The following ZNF473 variants were observed in gnomAD, a reference collection of about 807,000 sequenced individuals.
The protein encoded by ZNF473 is zinc finger protein 473.
Under a neutral mutation model 11.1 loss-of-function variants are expected in ZNF473, and 4 were observed. The observed-to-expected ratio is 0.36, with a 90% CI of 0.18 to 0.82. The LOEUF (loss-of-function observed/expected upper bound fraction) is 0.82, where lower values mean the gene tolerates loss of function less well. ZNF473 is among the 40% of genes least tolerant of loss of function. The pLI, the probability that ZNF473 is intolerant of heterozygous loss-of-function variation, is 0.49. For missense variants in ZNF473, 854 were observed against 1,084.0 expected (o/e 0.79, Z 2.98); for synonymous variants, 404 against 390.4 (o/e 1.03, Z -0.41).
Position 50,045,350 on chromosome 19 carries a change from C to T in ZNF473, c.907C>T (p.His303Tyr), listed in dbSNP as rs940576480. Residue 303 changes from histidine (H) to tyrosine (Y), a missense_variant, in exon 5 of 5, where the codon CAT (histidine) becomes TAT (tyrosine). This residue lies in a region of ZNF473 where 668 missense variants were observed against 790.2 expected (regional missense o/e 0.85). Transcript: ENST00000270617. Reference sequence around the variant, plus strand: ...TCAAGATAGTGACCACCCACCCAGTCATGACACACAGCCTGGTGAGCATCA... The same window carrying T: ...TCAAGATAGTGACCACCCACCCAGTTATGACACACAGCCTGGTGAGCATCA... ...KSQDSDHPPSHDTQPGEHQKT... is the reference protein window; with the variant it reads ...KSQDSDHPPSYDTQPGEHQKT... 6.2e-7 allele frequency: 1 copy of T among 1,614,172 alleles called. No homozygotes were observed. The highest frequency in any genetic ancestry group is 8.5e-7 in the Non-Finnish European group (1 of 1,180,052).
chr19:50,047,608 TTACTC>T lies in ZNF473; in HGVS notation c.*551_*555del, dbSNP rs1474551814. 1 of 153,184 alleles carries T rather than the reference TTACTC, an allele frequency of 6.5e-6. No individual in the cohort carries two copies. The highest frequency in any genetic ancestry group is 1.5e-5 in the Non-Finnish European group (1 of 68,708). 9.5% of individuals were successfully genotyped at this position (153,184 alleles called of 1,614,324 possible). ...TTTTTTACAGTTTTTCTCCAGCACT[TTACTC>T]TTCTTAAGTGCCTGGCCTTTTTTGT... On this transcript the variant is annotated 3_prime_UTR_variant, in exon 5 of 5. Coordinates refer to ENST00000270617, the MANE Select transcript of ZNF473 (RefSeq NM_015428.4).
intron 2 of ZNF473, among the ~76,000 whole-genome samples, chr19:50,033,605 T>G (rs73935155): frequency 0.052 from 7,967 of 152,224 alleles, 679 homozygotes; most frequent in African/African-American, 0.18. Flanking sequence ...TACAAACTTG[T>G]GGGCTTAAAA....
Position 50,045,765 on chromosome 19 carries a change from A to G in ZNF473, c.1322A>G (p.His441Arg). 6.2e-7 allele frequency: 1 copy of G among 1,614,090 alleles called. No individual in the cohort carries two copies. ...TGCAGTGAGTGTGGGAAGGCCTTCC[A>G]CCGGCACACTCACCTTAATGAACAT... Reference protein sequence around the residue: ...YKCSECGKAFHRHTHLNEHRR... With the variant: ...YKCSECGKAFRRHTHLNEHRR... The change falls in exon 5 of 5, where the codon CAC (histidine) becomes CGC (arginine). Residue 441 changes from histidine to arginine, a missense_variant. By Grantham distance (29) the His-to-Arg change is conservative. Transcript: ENST00000270617.
chr19:50,031,024 C>T lies in ZNF473; in HGVS notation c.-59C>T, dbSNP rs1045147943. The T allele has an allele frequency of 2.0e-5, 31 of 1,554,192 alleles. 1 individual carries two copies. Among genetic ancestry groups the T allele is most frequent in the Middle Eastern group, 1.8e-4 (1 of 5,664 alleles). The stretch of plus-strand genomic sequence containing the variant: ...TTGTGCTTCCCACAGCCCTGCCAGC[C>T]GGGAACACGGAGGGGAAGGAGGAGG... On this transcript the variant is annotated 5_prime_UTR_variant, in exon 2 of 5. Coordinates refer to ENST00000270617, the MANE Select transcript of ZNF473 (RefSeq NM_015428.4).
intron 2 of ZNF473, among the ~76,000 whole-genome samples, chr19:50,036,497 T>G (rs985691495): frequency 3.7e-4 from 54 of 144,168 alleles, no homozygotes; most frequent in African/African-American, 1.3e-3. Context: ...TTTTTTTTTT[T>G]GCATTTTTAG....
intron 4 of ZNF473, chr19:50,042,522 C>G (rs1241985687): frequency 6.6e-6 from 1 of 152,288 alleles, no homozygotes; most frequent in Non-Finnish European, 1.5e-5. Context: ...TTCAGCACAT[C>G]AGTGTTCCTC....
chr19:50,026,777 G>A (rs976154900), intron 1 of ZNF473, among the ~76,000 whole-genome samples: 10 of 152,196 alleles, frequency 6.6e-5, no homozygotes, highest in African/African-American at 2.4e-4. Flanking sequence ...GGAGGCAGAG[G>A]TTGCAGTGAG....
intron 4 of ZNF473, chr19:50,043,448 A>AAAATATATAT (rs1259545565): frequency 1.9e-5 from 2 of 107,916 alleles, no homozygotes; most frequent in African/African-American, 7.9e-5. Flanking sequence ...AAAAAAAAAA[A>AAAATATATAT]ATATATATAT....
chr19:50,043,670 A>C (rs1248714844), intron 4 of ZNF473, among the ~76,000 whole-genome samples: 2 of 151,878 alleles, frequency 1.3e-5, no homozygotes, highest in Non-Finnish European at 2.9e-5. Flanking sequence ...TGGATGGATG[A>C]GCAGTGGAAG....
rs61745068 is a variant in ZNF473, at chr19:50,045,110, C to T, written c.667C>T (p.Arg223Cys). Residue 223 changes from arginine (R) to cysteine (C), a missense_variant, in exon 5 of 5, where the codon CGT (arginine) becomes TGT (cysteine). Physicochemically the swap from Arg to Cys is radical, Grantham distance 180. This residue lies in a region of ZNF473 where 668 missense variants were observed against 790.2 expected (regional missense o/e 0.85). Transcript: ENST00000270617. ...TGGGAAAAGCTTCAGTGGGAGTTACCGTCTTACCCAGCACTGGATCACTCA... is the reference window on the plus strand; with the variant it reads ...TGGGAAAAGCTTCAGTGGGAGTTACTGTCTTACCCAGCACTGGATCACTCA... Reference protein sequence around the residue: ...ECGKSFSGSYRLTQHWITHTR... With the variant: ...ECGKSFSGSYCLTQHWITHTR... 15,958 of 1,614,022 alleles carry T rather than the reference C, an allele frequency of 9.9e-3. 1,366 individuals carry two copies. In the African/African-American group the frequency reaches 0.19, roughly 19 times the overall value.
Position 50,026,953 on chromosome 19 carries a change from G to A in ZNF473, c.-192+831G>A, listed in dbSNP as rs143320491. ...GGCAGAATCTTGCTGGACGATGGAT[G>A]GGAGTTCTTCGGGAAGTTGAAGTAC... On this transcript the variant is annotated intron_variant, in intron 1 of 4. Coordinates refer to ENST00000270617, the MANE Select transcript of ZNF473 (RefSeq NM_015428.4). Among the ~76,000 whole-genome samples, 864 of 152,266 alleles carry A rather than the reference G, an allele frequency of 5.7e-3. 6 individuals carry two copies. The highest frequency in any genetic ancestry group is 9.4e-3 in the Non-Finnish European group (636 of 68,010).
Position 50,046,201 on chromosome 19 carries a change from G to A in ZNF473, c.1758G>A (p.Arg586=). ...CTCAGCACGAGAGGATTCACACCAG[G>A]GGAGTGAAGCCCTTTGAATGTGACC... is the stretch of plus-strand genomic sequence containing the variant. ...YLTQHERIHT[R]GVKPFECDQC... Residue 586 remains arginine, a synonymous_variant, in exon 5 of 5, where the codon AGG becomes AGA. Coordinates refer to ENST00000270617, the MANE Select transcript of ZNF473 (RefSeq NM_015428.4). The surrounding 1 kb of genome is among the most constrained non-coding windows in gnomAD (Gnocchi z 5.9). 1 of 1,614,150 alleles carries A rather than the reference G, an allele frequency of 6.2e-7. No homozygotes were observed.
intron 2 of ZNF473, among the ~76,000 whole-genome samples, chr19:50,036,814 C>T (rs157549): frequency 0.04 from 6,107 of 152,098 alleles, 400 homozygotes; most frequent in African/African-American, 0.14. Flanking sequence ...ACCAGCAGGA[C>T]GACCCTCACC....
In ZNF473 at chr19:50,036,480, A is replaced by AT. The variant is rs34005330; in HGVS notation, c.10-2664dup. Among the ~76,000 whole-genome samples, 724 of 131,534 alleles carry AT rather than the reference A, an allele frequency of 5.5e-3. 5 individuals are homozygous for AT. Among genetic ancestry groups the AT allele is most frequent in the South Asian group, 0.014 (56 of 4,108 alleles). The allele number at this position is 131,534 out of a possible 152,430, so 86.3% of individuals were successfully genotyped here. ...AGGTGCCCGCCACCATGCCCAGCTA[A>AT]TTTTTTTTTTTTTTTTTGCATTTTT... On this transcript the variant is annotated intron_variant, in intron 2 of 4. Transcript: ENST00000270617.
rs569041643 is a variant in ZNF473 at position 50,026,031 on chromosome 19, C to A, written c.-283C>A. On this transcript the variant is annotated 5_prime_UTR_variant, in exon 1 of 5. Transcript: ENST00000270617. ...GAGAAGCTTCTCGCGCACAGGAAGT[C>A]GCTGCGAGGAGGCGCGTGTGCGGGG... is the stretch of plus-strand genomic sequence containing the variant. 5.2e-5 allele frequency: 8 copies of A among 152,628 alleles called. No homozygotes were observed. The highest frequency in any genetic ancestry group is 4.6e-4 in the Admixed American group (7 of 15,288). 9.5% of individuals were successfully genotyped at this position (152,628 alleles called of 1,614,324 possible).
In ZNF473 at chr19:50,030,972, T is replaced by C. The variant is rs11083999; in HGVS notation, c.-111T>C. On this transcript the variant is annotated 5_prime_UTR_variant, in exon 2 of 5. Coordinates refer to ENST00000270617, the MANE Select transcript of ZNF473 (RefSeq NM_015428.4). Reference sequence around the variant, plus strand: ...GCATGGACAGCGAGTCAGCCATGGGTGGAAGGGAGGCTTTCTCACAGCTCC... The same window carrying C: ...GCATGGACAGCGAGTCAGCCATGGGCGGAAGGGAGGCTTTCTCACAGCTCC... 15,184 of 1,482,594 alleles carry C rather than the reference T, an allele frequency of 0.01. 1,303 individuals are homozygous for C. In the African/African-American group the frequency reaches 0.19, roughly 18 times the overall value. 91.8% of individuals were successfully genotyped at this position (1,482,594 alleles called of 1,614,324 possible). A position where few individuals can be genotyped will look rare whatever the true frequency, so the allele number is the denominator to read the frequency against.
At chr19:50,041,142 G>A (rs961053633) in intron 3 of ZNF473, 1 of 152,280 alleles carries the variant, frequency 6.6e-6, no homozygotes, top group Non-Finnish European at 1.5e-5. Context: ...GCTCCAGCAC[G>A]TAGATAGTCC....
intron 1 of ZNF473, among the ~76,000 whole-genome samples, chr19:50,030,558 C>T (rs1600750219): frequency 6.6e-6 from 1 of 152,176 alleles, no homozygotes; most frequent in East Asian, 1.9e-4. Flanking sequence ...ACTCAAATTC[C>T]AGAGATGATA....
rs766460080 is a variant in ZNF473, at chr19:50,045,662, G to A, written c.1219G>A (p.Glu407Lys). ...HAGEEPYKCN[E>K]RGKSFRHNST... ...TGGAGAGGAGCCTTATAAGTGTAAC[G>A]AACGTGGGAAATCCTTCAGGCATAA... The change falls in exon 5 of 5, where the codon GAA (glutamate) becomes AAA (lysine). Residue 407 changes from glutamate (E) to lysine (K), a missense_variant. This residue lies in a region of ZNF473 where 668 missense variants were observed against 790.2 expected (regional missense o/e 0.85). Coordinates refer to ENST00000270617, the MANE Select transcript of ZNF473 (RefSeq NM_015428.4). The A allele has an allele frequency of 5.6e-6, 9 of 1,613,886 alleles. No individual in the cohort carries two copies. The highest frequency in any genetic ancestry group is 7.6e-6 in the Non-Finnish European group (9 of 1,179,988).
Sources: gnomAD v4.1 joint callset for allele counts (sites outside exome capture counted in the v4.1 genomes callset) on GRCh38, gnomAD v4.1.1 for gene constraint, gnomAD v4.1.1 regional missense constraint, Gnocchi (gnomAD v3.1) non-coding constraint, MANE v1.5 for transcripts, NCBI Gene and HGNC (gene_info 2026-07-23, HGNC 2026-07-21) for gene names.